Variants in EGF observed in about 807,000 individuals in gnomAD.
EGF encodes epidermal growth factor, also known as pro-epidermal growth factor.
Under a neutral mutation model 143.8 loss-of-function variants are expected in EGF, and 95 were observed. That is an observed-to-expected ratio of 0.66 (90% confidence interval 0.56 to 0.78). The LOEUF (loss-of-function observed/expected upper bound fraction) is 0.78, where lower values mean the gene tolerates loss of function less well. Ranked by LOEUF, EGF falls within the 30% of genes least tolerant of loss-of-function variation. The pLI, the probability that EGF is intolerant of heterozygous loss-of-function variation, is 0.00. For synonymous variants in EGF, 510 were observed against 510.5 expected (o/e 1.00, Z 0.01); for missense variants, 1,320 against 1,470.9 (o/e 0.90, Z 1.68).
intron 10 of EGF, 136 bp from the exon 11 acceptor site, chr4:109,968,835 C>T (rs1047651379): frequency 6.4e-6 from 7 of 1,085,606 alleles, no homozygotes; most frequent in South Asian, 2.7e-5. Flanking sequence ...CAGCCTAGTT[C>T]GAATTTAGTT....
rs191577694 is a variant in EGF, at chr4:109,945,292, C to T, written c.940+17C>T. On this transcript the variant is annotated intron_variant, in intron 5 of 23. Coordinates refer to ENST00000265171, the MANE Select transcript of EGF (RefSeq NM_001963.6). ...GGGAGCCTGGTGAGTCATCGTTGAC[C>T]TTGCGCAGGGCCTGACACATAGTTC... 2.9e-5 allele frequency: 46 copies of T among 1,610,106 alleles called. No individual in the cohort carries two copies. In the East Asian group the frequency reaches 9.6e-4, roughly 34 times the overall value.
intron 1 of EGF, among the ~76,000 whole-genome samples, chr4:109,936,876 C>T (rs537466666): frequency 2.6e-5 from 4 of 152,142 alleles, no homozygotes; most frequent in Admixed American, 2.6e-4. Flanking sequence ...ATCCTGAGTT[C>T]CAATTTGATT....
intron 3 of EGF, 124 bp downstream of exon 3, chr4:109,943,559 C>T (rs1025671554): frequency 1.2e-5 from 13 of 1,084,018 alleles, no homozygotes; most frequent in South Asian, 2.9e-5. Flanking sequence ...TTGCAGCACA[C>T]AGGCACCGTT....
chr4:109,954,564 C>G (rs1255398329), intron 5 of EGF, among the ~76,000 whole-genome samples: 1 of 152,080 alleles, frequency 6.6e-6, no homozygotes, highest in African/African-American at 2.4e-5. Context: ...AACTTCTATA[C>G]TGTTCAGTTT....
At chr4:109,975,578 T>G (rs1462307960) in intron 12 of EGF, among the ~76,000 whole-genome samples, 1 of 152,230 alleles carries the variant, frequency 6.6e-6, no homozygotes, top group Non-Finnish European at 1.5e-5. Context: ...AACAGATAAA[T>G]ATGATCTTTC....
chr4:109,966,038 A>ATATAT (rs372873582), intron 10 of EGF, among the ~76,000 whole-genome samples: 116 of 150,486 alleles, frequency 7.7e-4, no homozygotes, highest in African/African-American at 2.8e-3. Context: ...TCTTTAAAAA[A>ATATAT]ATATATATAT....
At chr4:110,003,565 G>C (rs1273756373) in intron 21 of EGF, among the ~76,000 whole-genome samples, 4 of 152,102 alleles carry the variant, frequency 2.6e-5, no homozygotes, top group Non-Finnish European at 5.9e-5. Flanking sequence ...TTTTGACAGA[G>C]GGTTGCATTC....
At chr4:110,001,968 T>C in intron 21 of EGF, 1 of 985,460 alleles carries the variant, frequency 1.0e-6, no homozygotes, top group Non-Finnish European at 1.2e-6. Flanking sequence ...TAACTACGTT[T>C]GCACTATAGA....
At chr4:109,984,995 C>A (rs1331937506) in intron 16 of EGF, among the ~76,000 whole-genome samples, 1 of 152,146 alleles carries the variant, frequency 6.6e-6, no homozygotes, top group Admixed American at 6.6e-5. Flanking sequence ...GAATAAAATA[C>A]TTTAAACCAA....
chr4:109,942,603 G>A (rs150861004), intron 2 of EGF, among the ~76,000 whole-genome samples: 1 of 152,174 alleles, frequency 6.6e-6, no homozygotes, highest in Non-Finnish European at 1.5e-5. Flanking sequence ...TCCCCAAGAA[G>A]ACCAGCTTAC....
At chr4:109,933,824 G>A (rs1051888566) in intron 1 of EGF, among the ~76,000 whole-genome samples, 7 of 152,040 alleles carry the variant, frequency 4.6e-5, no homozygotes, top group South Asian at 2.1e-4. Context: ...GTCTATTATC[G>A]ATAGACATTT....
At chr4:110,008,312 CCACA>C (rs575333283) in intron 23 of EGF, 82 bp downstream of exon 23, 14 of 1,441,300 alleles carry the variant, frequency 9.7e-6, no homozygotes, top group African/African-American at 2.8e-5. Context: ...TCTCATTTAA[CCACA>C]CACACACACA....
chr4:110,004,215 TACACACACACACACAC>T (rs772189572), intron 21 of EGF: 4 of 356,976 alleles, frequency 1.1e-5, no homozygotes, highest in South Asian at 2.2e-5. Flanking sequence ...TGGGCATACA[TACACACACACACACAC>T]ACACACACAC....
At position 109,968,921 on chromosome 4, in the gene EGF, C is replaced by G. The variant is rs748301146; in HGVS notation, c.1576-50C>G. 3 of 1,611,614 alleles carry G rather than the reference C, an allele frequency of 1.9e-6. No individual in the cohort carries two copies. The African/African-American group carries it at 4.0e-5, about 22-fold the overall frequency. ...AAGACTAGTGCCATTTGTATATATT[C>G]CACATTAGTTTTAAAAAAAAATCAG... On this transcript the variant is annotated intron_variant, in intron 10 of 23. Transcript: ENST00000265171.
intron 16 of EGF, 41 bp downstream of exon 16, chr4:109,983,582 A>C (rs1232451461): frequency 1.2e-6 from 2 of 1,612,392 alleles, no homozygotes; most frequent in African/African-American, 1.3e-5. Flanking sequence ...TGGTTCCAAC[A>C]GTTTCCATCC....
At position 109,913,524 on chromosome 4, in the gene EGF, G is replaced by T. The variant is rs1736069018; in HGVS notation, c.127+62G>T. 6.3e-6 allele frequency: 10 copies of T among 1,591,272 alleles called. No homozygotes were observed. In the Admixed American group the frequency reaches 1.8e-4, roughly 28 times the overall value. ...GGAAACTGCCCCCACATCCCTGTTG[G>T]TTCAATCTGGTATACTTGGGCATTT... is the stretch of plus-strand genomic sequence containing the variant. On this transcript the variant is annotated intron_variant, in intron 1 of 23. Transcript: ENST00000265171.
chr4:109,959,300 C>A lies in EGF; in HGVS notation c.941-12C>A. On this transcript the variant is annotated splice_polypyrimidine_tract_variant and intron_variant, in intron 5 of 23. Coordinates refer to ENST00000265171, the MANE Select transcript of EGF (RefSeq NM_001963.6). ...CACGGCCCCACTCCAAATAAAGCAT[C>A]TTCTCTTTTAGAGCAGAAACTTTGC... The A allele has an allele frequency of 6.2e-7, 1 of 1,613,862 alleles. No homozygotes were observed. The highest frequency in any genetic ancestry group is 8.5e-7 in the Non-Finnish European group (1 of 1,179,826).
At chr4:109,935,413 G>A (rs974335652) in intron 1 of EGF, among the ~76,000 whole-genome samples, 2 of 152,192 alleles carry the variant, frequency 1.3e-5, no homozygotes, top group African/African-American at 2.4e-5. Flanking sequence ...TGTATCCTGA[G>A]AGTTTGCTGA....
intron 1 of EGF, among the ~76,000 whole-genome samples, chr4:109,921,126 A>C (rs772214138): frequency 2.9e-4 from 44 of 151,778 alleles, no homozygotes; most frequent in Non-Finnish European, 5.1e-4. Context: ...TTATATGGCC[A>C]AAGTTAATAA....
Sources: allele counts gnomAD v4.1 joint callset (sites outside exome capture counted in the v4.1 genomes callset), GRCh38; gene constraint gnomAD v4.1.1; transcripts MANE v1.5; gene names NCBI Gene and HGNC (gene_info 2026-07-23, HGNC 2026-07-21).